FSTL5: variants seen among roughly 807,000 people sequenced by gnomAD.
The protein encoded by FSTL5 is follistatin-related protein 5.
A neutral mutation model predicts 89.1 loss-of-function variants in FSTL5; 62 were observed. The ratio of observed to expected loss-of-function variants is 0.70; its 90% CI spans 0.57 to 0.86. The LOEUF is 0.86. Among genes scored for constraint, FSTL5 ranks in the 40% least tolerant of loss-of-function variants. The probability of loss-of-function intolerance (pLI) is 0.00; values close to 1 mark genes in which losing one functional copy is unlikely to be tolerated. For synonymous variants in FSTL5, 383 were observed against 346.2 expected (o/e 1.11, Z -1.18); for missense variants, 1,057 against 1,001.6 (o/e 1.06, Z -0.75).
chr4:162,096,870 G>A (rs1044993153), intron 2 of FSTL5, among the ~76,000 whole-genome samples: 2 of 151,740 alleles, frequency 1.3e-5, no homozygotes, highest in Non-Finnish European at 3.0e-5. Flanking sequence ...GATACAATGC[G>A]TGATACATGA....
At chr4:161,431,139 C>A (rs1220480129) in intron 15 of FSTL5, among the ~76,000 whole-genome samples, 4 of 152,052 alleles carry the variant, frequency 2.6e-5, no homozygotes, top group African/African-American at 4.8e-5. Context: ...AGTAAGTACA[C>A]AGAAAAACAT....
intron 7 of FSTL5, among the ~76,000 whole-genome samples, chr4:161,603,893 T>G (rs554405747): frequency 5.9e-5 from 9 of 152,284 alleles, no homozygotes; most frequent in African/African-American, 2.2e-4. Context: ...CCCAGTACAA[T>G]GCATTTTTTA....
At chr4:161,466,564 C>A (rs1560908708) in intron 13 of FSTL5, among the ~76,000 whole-genome samples, 1 of 152,110 alleles carries the variant, frequency 6.6e-6, no homozygotes, top group African/African-American at 2.4e-5. Flanking sequence ...TAAGAGTACT[C>A]CCGGGGTGTT....
chr4:161,681,479 T>C (rs1488040279), intron 6 of FSTL5, among the ~76,000 whole-genome samples: 1 of 152,086 alleles, frequency 6.6e-6, no homozygotes, highest in Non-Finnish European at 1.5e-5. Flanking sequence ...TATATTGCAT[T>C]GACACTGACA....
At chr4:161,854,283 T>A (rs1579143631) in intron 4 of FSTL5, among the ~76,000 whole-genome samples, 1 of 152,288 alleles carries the variant, frequency 6.6e-6, no homozygotes, top group East Asian at 1.9e-4. Context: ...TAAAGTATAT[T>A]CTGTCCTTAG....
At chr4:161,997,795 G>A (rs552294141) in intron 3 of FSTL5, among the ~76,000 whole-genome samples, 875 of 52,094 alleles carry the variant, frequency 0.017, 8 homozygotes, top group African/African-American at 0.054. Context: ...TAGTAGAGAC[G>A]GGGCTTCACT....
chr4:162,060,214 A>T (rs1330322272), intron 2 of FSTL5, among the ~76,000 whole-genome samples: 1 of 152,094 alleles, frequency 6.6e-6, no homozygotes, highest in African/African-American at 2.4e-5. Flanking sequence ...CTGATACAGA[A>T]CTCTCTTAAA....
chr4:161,585,753 C>T (rs1046339318), intron 8 of FSTL5, among the ~76,000 whole-genome samples: 1 of 152,114 alleles, frequency 6.6e-6, no homozygotes, highest in African/African-American at 2.4e-5. Flanking sequence ...AGAACAATTT[C>T]CCCATGGATG....
intron 2 of FSTL5, among the ~76,000 whole-genome samples, chr4:162,092,041 C>T (rs1730570523): frequency 6.6e-6 from 1 of 151,490 alleles, no homozygotes; most frequent in African/African-American, 2.4e-5. Context: ...AAATTTAAAA[C>T]ACTTAAACAC....
intron 8 of FSTL5, among the ~76,000 whole-genome samples, chr4:161,569,249 C>T (rs1232932956): frequency 6.6e-6 from 1 of 152,112 alleles, no homozygotes; most frequent in Non-Finnish European, 1.5e-5. Context: ...GCTAGGATTA[C>T]AAGCATGAGC....
chr4:161,968,265 A>G (rs940426506), intron 3 of FSTL5, among the ~76,000 whole-genome samples: 1 of 152,110 alleles, frequency 6.6e-6, no homozygotes, highest in African/African-American at 2.4e-5. Flanking sequence ...ATGTTAGAAA[A>G]CAAAATTGGT....
chr4:161,742,537 C>T lies in FSTL5; in HGVS notation c.727+16874G>A, dbSNP rs950498091. On this transcript the variant is annotated intron_variant, in intron 6 of 15. Transcript: ENST00000306100. ...ACTGGGTATAAATAGGGTAATGTAA[C>T]GCTCTCAGTTAGAAAAACAGAAATA... 7.9e-5 allele frequency among the ~76,000 whole-genome samples: 12 copies of T among 152,092 alleles called. No individual in the cohort carries two copies. The East Asian group carries it at 1.5e-3, about 20-fold the overall frequency.
At chr4:161,507,910 A>C (rs1730532639) in intron 11 of FSTL5, among the ~76,000 whole-genome samples, 1 of 151,970 alleles carries the variant, frequency 6.6e-6, no homozygotes. Context: ...ATTGGCCTTA[A>C]GTGACCTACA....
At chr4:161,824,257 GT>G (rs1730597070) in intron 4 of FSTL5, among the ~76,000 whole-genome samples, 1 of 152,152 alleles carries the variant, frequency 6.6e-6, no homozygotes, top group Non-Finnish European at 1.5e-5. Context: ...AGCACCGTTT[GT>G]TGAATAGGGT....
At chr4:161,787,493 A>G (rs1741947398) in intron 4 of FSTL5, among the ~76,000 whole-genome samples, 1 of 152,156 alleles carries the variant, frequency 6.6e-6, no homozygotes, top group Non-Finnish European at 1.5e-5. Context: ...CTGCTGAAAC[A>G]TTGATTAGTT....
chr4:161,718,086 T>G (rs544851406), intron 6 of FSTL5, among the ~76,000 whole-genome samples: 15 of 150,316 alleles, frequency 1.0e-4, no homozygotes, highest in African/African-American at 2.7e-4. Context: ...ATAATGTTCA[T>G]GTTTTATTTG....
intron 7 of FSTL5, among the ~76,000 whole-genome samples, chr4:161,603,120 A>G (rs916373335): frequency 6.6e-6 from 1 of 152,194 alleles, no homozygotes; most frequent in Non-Finnish European, 1.5e-5. Context: ...TAAGGAGCTG[A>G]CATGTCACTT....
intron 13 of FSTL5, among the ~76,000 whole-genome samples, chr4:161,463,353 T>C (rs1290451114): frequency 6.6e-6 from 1 of 152,170 alleles, no homozygotes; most frequent in East Asian, 1.9e-4. Flanking sequence ...TAATATAACA[T>C]ACTTTATTTG....
chr4:161,612,840 C>A (rs1734697738), intron 7 of FSTL5, among the ~76,000 whole-genome samples: 1 of 152,068 alleles, frequency 6.6e-6, no homozygotes, highest in Non-Finnish European at 1.5e-5. Context: ...AAATAGGGAC[C>A]TCAGTGGTAT....
Sources: allele counts gnomAD v4.1 joint callset (sites outside exome capture counted in the v4.1 genomes callset), GRCh38; gene constraint gnomAD v4.1.1; transcripts MANE v1.5; gene names NCBI Gene and HGNC (gene_info 2026-07-23, HGNC 2026-07-21).